Variants in REPS1 observed in about 807,000 individuals in gnomAD.
REPS1 encodes RALBP1 associated Eps domain containing 1.
In REPS1, 39 loss-of-function variants were observed where a neutral mutation model predicts 100.9. The observed-to-expected ratio is 0.39, with a 90% CI of 0.30 to 0.50. The LOEUF is 0.50. Among genes scored for constraint, REPS1 ranks in the 20% least tolerant of loss-of-function variants. The pLI is 0.86. For missense variants in REPS1, 821 were observed against 968.5 expected (o/e 0.85, Z 2.02); for synonymous variants, 324 against 340.3 (o/e 0.95, Z 0.53).
chr6:138,956,377 G>A (rs1028704245), intron 1 of REPS1, among the ~76,000 whole-genome samples: 37 of 151,964 alleles, frequency 2.4e-4, no homozygotes, highest in Admixed American at 2.2e-3. Context: ...GAAATGCTAG[G>A]TATGACTAGG....
Position 138,908,657 on chromosome 6 carries a change from GC to G in REPS1, c.2216+10del. The G allele has an allele frequency of 6.2e-7, 1 of 1,613,776 alleles. No homozygotes were observed. The highest frequency in any genetic ancestry group is 8.5e-7 in the Non-Finnish European group (1 of 1,179,748). Reference sequence around the variant, plus strand: ...TAGTAATTAAATGTGTCTAGGAATAGCTTTGATTACCTGGGAATAGAAGGTT... The same window carrying G: ...TAGTAATTAAATGTGTCTAGGAATAGTTTGATTACCTGGGAATAGAAGGTT... On this transcript the variant is annotated intron_variant, in intron 18 of 19. Coordinates refer to ENST00000450536, the MANE Select transcript of REPS1 (RefSeq NM_001286611.2).
At chr6:138,945,919 T>C (rs1461555486) in intron 2 of REPS1, among the ~76,000 whole-genome samples, 1 of 152,210 alleles carries the variant, frequency 6.6e-6, no homozygotes, top group Non-Finnish European at 1.5e-5. Context: ...GTCCTTCTAA[T>C]GAGTGATAAC....
Position 138,945,250 on chromosome 6 carries a change from T to C in REPS1, c.597A>G (p.Pro199=). ...GTGCTTCACCAAAGGGAGACCAAAA[T>C]GGCCCAGGTCCCGCGAGAGGCCTCT... The part of the protein sequence containing the change: ...NSERPLAGPG[P]FWSPFGEAQS... The change falls in exon 4 of 20, where the codon CCA becomes CCG. Residue 199 remains proline (P), a synonymous_variant. Coordinates refer to ENST00000450536, the MANE Select transcript of REPS1 (RefSeq NM_001286611.2). 4 of 1,610,430 alleles carry C rather than the reference T, an allele frequency of 2.5e-6. No homozygotes were observed. The highest frequency in any genetic ancestry group is 2.5e-6 in the Non-Finnish European group (3 of 1,179,264).
intron 1 of REPS1, among the ~76,000 whole-genome samples, chr6:138,956,123 T>A (rs574486998): frequency 4.6e-5 from 7 of 152,252 alleles, no homozygotes; most frequent in Admixed American, 2.0e-4. Context: ...TCTCATGTCT[T>A]CCTAAGTATT....
intron 15 of REPS1, 23 bp downstream of exon 15, chr6:138,914,674 T>C (rs774720645): frequency 1.3e-6 from 2 of 1,590,192 alleles, no homozygotes; most frequent in Admixed American, 3.3e-5. Context: ...GGACATTTAG[T>C]AATAAATACC....
rs374820651 is a variant in REPS1 at position 138,941,091 on chromosome 6, G to A, written c.1135+244C>T. Among the ~76,000 whole-genome samples the A allele has an allele frequency of 1.4e-4, 21 of 151,914 alleles. No individual in the cohort carries two copies. The East Asian group carries it at 2.1e-3, about 15-fold the overall frequency. ...GACACTGAAATGCTCTTCAAATCTC[G>A]GCAAGTCACAAATACAAAGGTAAAA... On this transcript the variant is annotated intron_variant, in intron 8 of 19. Coordinates refer to ENST00000450536, the MANE Select transcript of REPS1 (RefSeq NM_001286611.2).
chr6:138,931,655 T>C (rs1437693586), intron 8 of REPS1, among the ~76,000 whole-genome samples: 2 of 152,180 alleles, frequency 1.3e-5, no homozygotes, highest in Non-Finnish European at 2.9e-5. Context: ...GTAGGAAGAC[T>C]TCACATATTA....
chr6:138,988,006 G>A lies in REPS1; in HGVS notation c.-324C>T. The A allele has an allele frequency of 2.5e-6, 1 of 395,408 alleles. No homozygotes were observed. The highest frequency in any genetic ancestry group is 4.5e-6 in the Non-Finnish European group (1 of 224,138). The allele number at this position is 395,408 out of a possible 1,614,324, so 24.5% of individuals were successfully genotyped here. The stretch of plus-strand genomic sequence containing the variant: ...AGAGGCGGGGGCCGCGGAGGCGCGA[G>A]GCACTGGCGGACTCCGCCCCCGCCG... On this transcript the variant is annotated 5_prime_UTR_variant, in exon 1 of 20. Coordinates refer to ENST00000450536, the MANE Select transcript of REPS1 (RefSeq NM_001286611.2).
intron 8 of REPS1, among the ~76,000 whole-genome samples, chr6:138,940,537 G>C (rs1782169760): frequency 6.6e-6 from 1 of 152,044 alleles, no homozygotes; most frequent in Non-Finnish European, 1.5e-5. Context: ...ATGAGGTCAA[G>C]AGATAGAGAC....
At chr6:138,923,172 T>A (rs1434775759) in intron 10 of REPS1, among the ~76,000 whole-genome samples, 1 of 152,172 alleles carries the variant, frequency 6.6e-6, no homozygotes, top group Non-Finnish European at 1.5e-5. Context: ...AAAGTATTTA[T>A]AAGAATACCT....
At chr6:138,935,336 A>G (rs1251960816) in intron 8 of REPS1, among the ~76,000 whole-genome samples, 1 of 152,248 alleles carries the variant, frequency 6.6e-6, no homozygotes, top group Non-Finnish European at 1.5e-5. Flanking sequence ...TCAACATTTG[A>G]CAGTACTGCT....
Position 138,943,831 on chromosome 6 carries a change from ACTT to A in REPS1, c.916+19_916+21del. The A allele has an allele frequency of 6.2e-7, 1 of 1,603,288 alleles. No homozygotes were observed. Among genetic ancestry groups the A allele is most frequent in the Non-Finnish European group, 8.5e-7 (1 of 1,173,752 alleles). Reference sequence around the variant, plus strand: ...AGATTCTCCTGTCCCATCTAGAAGAACTTCTGTTTTCAACAACTCACCTGGAAT... The same window carrying A: ...AGATTCTCCTGTCCCATCTAGAAGAACTGTTTTCAACAACTCACCTGGAAT... On this transcript the variant is annotated intron_variant, in intron 6 of 19. Transcript: ENST00000450536.
At chr6:138,905,476 A>G (rs1779578079) in intron 19 of REPS1, among the ~76,000 whole-genome samples, 1 of 147,106 alleles carries the variant, frequency 6.8e-6, no homozygotes, top group Admixed American at 6.9e-5. Context: ...TATTTTTAGT[A>G]GAGACGGGGT....
intron 1 of REPS1, 144 bp downstream of exon 1, chr6:138,987,386 G>C: frequency 1.2e-6 from 1 of 859,058 alleles, no homozygotes; most frequent in South Asian, 1.9e-5. Context: ...AGGCCTCCCG[G>C]GCACCTGCGG....
chr6:138,907,341 G>GTGTGTGTGTGT, intron 19 of REPS1, 154 bp downstream of exon 19: 1 of 349,504 alleles, frequency 2.9e-6, no homozygotes, highest in South Asian at 2.7e-5. Context: ...TGTGTGTGTG[G>GTGTGTGTGTGT]CGGGGAGGGG....
At chr6:138,914,346 T>TA (rs1160382192) in intron 15 of REPS1, among the ~76,000 whole-genome samples, 9 of 152,174 alleles carry the variant, frequency 5.9e-5, no homozygotes, top group Non-Finnish European at 8.8e-5. Context: ...GTGCTGCAAT[T>TA]ACAGGTGTGA....
chr6:138,948,444 T>TA (rs1782781116), intron 1 of REPS1, among the ~76,000 whole-genome samples: 1 of 152,218 alleles, frequency 6.6e-6, no homozygotes, highest in Non-Finnish European at 1.5e-5. Context: ...TTTTCCCTCT[T>TA]ATTTTCCAAA....
chr6:138,917,350 A>G (rs1267210282), intron 13 of REPS1, among the ~76,000 whole-genome samples: 6 of 152,238 alleles, frequency 3.9e-5, no homozygotes, highest in South Asian at 2.1e-4. Context: ...TAGAGCTTCC[A>G]CAACATACCA....
chr6:138,943,823 C>T (rs1467536238), intron 6 of REPS1, 30 bp downstream of exon 6: 1 of 1,593,402 alleles, frequency 6.3e-7, no homozygotes, highest in East Asian at 2.2e-5. Flanking sequence ...CCTGTCCCAT[C>T]TAGAAGAACT....
Sources: allele counts gnomAD v4.1 joint callset (sites outside exome capture counted in the v4.1 genomes callset), GRCh38; gene constraint gnomAD v4.1.1; transcripts MANE v1.5; gene names NCBI Gene and HGNC (gene_info 2026-07-23, HGNC 2026-07-21).